The following NRXN2 variants were observed in gnomAD, a reference collection of about 807,000 sequenced individuals.
NRXN2 encodes the protein neurexin 2.
A neutral mutation model predicts 128.8 loss-of-function variants in NRXN2; 29 were observed. The ratio of observed to expected loss-of-function variants is 0.23; its 90% CI spans 0.17 to 0.31. The LOEUF is 0.31. Ranked by LOEUF, NRXN2 falls within the 10% of genes least tolerant of loss-of-function variation. The pLI, the probability that NRXN2 is intolerant of heterozygous loss-of-function variation, is 1.00. For synonymous variants in NRXN2, 1,098 were observed against 1,075.2 expected (o/e 1.02, Z -0.41); for missense variants, 1,881 against 2,452.6 (o/e 0.77, Z 4.92).
chr11:64,686,044 G>A, intron 5 of NRXN2, 97 bp from the exon 6 acceptor site: 1 of 1,381,002 alleles, frequency 7.2e-7, no homozygotes, highest in Non-Finnish European at 1.0e-6. Context: ...ACTGGTCCTG[G>A]GCACCAGGAG....
At chr11:64,676,670 A>G (rs1226204739) in intron 7 of NRXN2, 1 of 467,596 alleles carries the variant, frequency 2.1e-6, no homozygotes, top group East Asian at 3.7e-5. Context: ...TGGTCTAACC[A>G]GAGCCGATGA....
chr11:64,672,456 G>A (rs938486549), intron 7 of NRXN2, among the ~76,000 whole-genome samples: 2 of 152,180 alleles, frequency 1.3e-5, no homozygotes, highest in African/African-American at 4.8e-5. Flanking sequence ...CTCCTTGGGA[G>A]GGGGACTTAA....
In NRXN2 at chr11:64,690,407, T is replaced by C; in HGVS notation, c.848A>G (p.Lys283Arg). Residue 283 changes from lysine (K) to arginine (R), a missense_variant and splice_region_variant, in exon 5 of 23, where the codon AAA becomes AGA. Coordinates refer to ENST00000265459, the MANE Select transcript of NRXN2 (RefSeq NM_015080.4). ...GGAGDVHQPT[K>R]GKEEFVATFK... Reference sequence around the variant, plus strand: ...TGGGGACCATGGGGGTCACTGACCTTTTGTTGGCTGGTGCACATCGCCGGC... The same window carrying C: ...TGGGGACCATGGGGGTCACTGACCTCTTGTTGGCTGGTGCACATCGCCGGC... The C allele has an allele frequency of 6.2e-7, 1 of 1,612,594 alleles. No individual in the cohort carries two copies. Among genetic ancestry groups the C allele is most frequent in the South Asian group, 1.1e-5 (1 of 90,560 alleles).
At chr11:64,618,184 C>T (rs540439709) in intron 22 of NRXN2, among the ~76,000 whole-genome samples, 3 of 152,352 alleles carry the variant, frequency 2.0e-5, no homozygotes, top group Non-Finnish European at 2.9e-5. Flanking sequence ...ACCACCAATG[C>T]ACCCATTCAG....
intron 7 of NRXN2, chr11:64,676,647 C>A: frequency 2.9e-6 from 1 of 348,800 alleles, no homozygotes; most frequent in Non-Finnish European, 5.2e-6. Flanking sequence ...AATAAGCAGC[C>A]TGGCATCGGG....
At position 64,607,279 on chromosome 11, in the gene NRXN2, C is replaced by A. The variant is rs762807377; in HGVS notation, c.5056G>T (p.Ala1686Ser). The change falls in exon 23 of 23, where the codon GCG (alanine) becomes TCG (serine). Residue 1686 changes from alanine (A) to serine (S), a missense_variant. Around this residue, in one of 7 missense-constraint regions of NRXN2, gnomAD observed 63 missense variants for 76.0 expected, o/e 0.83. Coordinates refer to ENST00000265459, the MANE Select transcript of NRXN2 (RefSeq NM_015080.4). ...GCCGGGGCCTTCTCTTTCACCACCG[C>A]CCCATTGCTCTGGGCCGAGTTACTG... ...YISNSAQSNG[A>S]VVKEKAPAAP... is the part of the protein sequence containing the mutation. 14 of 1,614,038 alleles carry A rather than the reference C, an allele frequency of 8.7e-6. No individual in the cohort carries two copies. The Admixed American group carries it at 2.2e-4, about 25-fold the overall frequency.
At chr11:64,644,806 G>A (rs538898036) in intron 17 of NRXN2, among the ~76,000 whole-genome samples, 2 of 152,176 alleles carry the variant, frequency 1.3e-5, no homozygotes, top group East Asian at 1.9e-4. Context: ...GGGAGGGCTG[G>A]GAGAGAGGAG....
chr11:64,679,814 GT>G (rs1270106241), intron 6 of NRXN2, among the ~76,000 whole-genome samples: 2 of 152,170 alleles, frequency 1.3e-5, no homozygotes, highest in African/African-American at 4.8e-5. Flanking sequence ...TGGAGATCAT[GT>G]TTATGGGGGC....
rs140864501 is a variant in NRXN2 at position 64,626,493 on chromosome 11, G to C, written c.3817C>G (p.Arg1273Gly). The change falls in exon 20 of 23, where the codon CGA (arginine) becomes GGA (glycine). Residue 1273 changes from arginine (R) to glycine (G), a missense_variant. Arg to Gly is a moderately radical substitution (Grantham distance 125). Coordinates refer to ENST00000265459, the MANE Select transcript of NRXN2 (RefSeq NM_015080.4). ...TCGAGCAGCCACTCATCTACTACTC[G>C]ACCAAGCCGGTAGGGGATTCTCTGT... ...ARQRIPYRLG[R>G]VVDEWLLDKG... is the part of the protein sequence containing the mutation. 6.2e-7 allele frequency: 1 copy of C among 1,613,876 alleles called. No individual in the cohort carries two copies. The highest frequency in any genetic ancestry group is 8.5e-7 in the Non-Finnish European group (1 of 1,179,850).
At chr11:64,661,180 C>A (rs1038441001) in intron 9 of NRXN2, 41 bp from the exon 10 acceptor site, 7 of 1,612,142 alleles carry the variant, frequency 4.3e-6, no homozygotes, top group Middle Eastern at 1.7e-4. Flanking sequence ...AAGCCACAGG[C>A]CAGAAAGGGA....
At chr11:64,647,248 T>C (rs561167122) in intron 17 of NRXN2, among the ~76,000 whole-genome samples, 13 of 151,878 alleles carry the variant, frequency 8.6e-5, no homozygotes, top group Non-Finnish European at 1.8e-4. Flanking sequence ...CATGTGTGTG[T>C]GCGTGCCTGT....
chr11:64,623,377 T>G lies in NRXN2; in HGVS notation c.3848-299A>C. On this transcript the variant is annotated intron_variant, in intron 20 of 22. Coordinates refer to ENST00000265459, the MANE Select transcript of NRXN2 (RefSeq NM_015080.4). The surrounding 1 kb of genome is among the most constrained non-coding windows in gnomAD (Gnocchi z 4.9). The stretch of plus-strand genomic sequence containing the variant: ...CCCACCATGTGCAAGCCTTCCCACC[T>G]TCCCCATTCCCTCTCCTCTCCAGCT... 1 of 477,538 alleles carries G rather than the reference T, an allele frequency of 2.1e-6. No homozygotes were observed. The highest frequency in any genetic ancestry group is 3.8e-6 in the Non-Finnish European group (1 of 262,062). The allele number at this position is 477,538 out of a possible 1,614,324, so 29.6% of individuals were successfully genotyped here. A position where few individuals can be genotyped will look rare whatever the true frequency, so the allele number is the denominator to read the frequency against.
chr11:64,625,652 C>T (rs1024058708), intron 20 of NRXN2, among the ~76,000 whole-genome samples: 1 of 152,096 alleles, frequency 6.6e-6, no homozygotes, highest in African/African-American at 2.4e-5. Context: ...GAGCTCGCCC[C>T]GCCTCCCCAA....
At position 64,607,277 on chromosome 11, in the gene NRXN2, C is replaced by A. The variant is rs775416543; in HGVS notation, c.5058G>T (p.Ala1686=). The A allele has an allele frequency of 6.2e-7, 1 of 1,613,952 alleles. No homozygotes were observed. The highest frequency in any genetic ancestry group is 8.5e-7 in the Non-Finnish European group (1 of 1,179,940). Residue 1686 remains alanine (A), a synonymous_variant, in exon 23 of 23, where the codon GCG becomes GCT. Coordinates refer to ENST00000265459, the MANE Select transcript of NRXN2 (RefSeq NM_015080.4). The stretch of plus-strand genomic sequence containing the variant: ...CAGCCGGGGCCTTCTCTTTCACCAC[C>A]GCCCCATTGCTCTGGGCCGAGTTAC... ...YISNSAQSNG[A]VVKEKAPAAP...
Position 64,653,704 on chromosome 11 carries a change from C to T in NRXN2, c.2408G>A (p.Cys803Tyr). 6.3e-7 allele frequency: 1 copy of T among 1,596,540 alleles called. No homozygotes were observed. The highest frequency in any genetic ancestry group is 1.8e-5 in the Admixed American group (1 of 56,690). ...TVNLDCLRVG[C>Y]APSKGPETLF... ...AGAGGGAAGCCACTTACTGGGTGCG[C>T]AGCCGACGCGCAGGCAGTCTGGGGG... Residue 803 changes from cysteine to tyrosine, a missense_variant, in exon 12 of 23, where the codon TGC (cysteine) becomes TAC (tyrosine). Cys to Tyr is a radical substitution (Grantham distance 194, BLOSUM62 -2). This residue lies in a region of NRXN2 where 997 missense variants were observed against 1,240.8 expected (regional missense o/e 0.80). Transcript: ENST00000265459.
intron 4 of NRXN2, among the ~76,000 whole-genome samples, chr11:64,692,451 T>C (rs982353487): frequency 6.6e-6 from 1 of 151,400 alleles, no homozygotes; most frequent in African/African-American, 2.4e-5. Context: ...GAAAGAATGA[T>C]CAGAATGAGT....
Position 64,659,011 on chromosome 11 carries a change from G to A in NRXN2, c.2389+1321C>T, listed in dbSNP as rs541716147. On this transcript the variant is annotated intron_variant, in intron 11 of 22. Transcript: ENST00000265459. ...TGCACTCCCACCTGGGTGAAAGAGC[G>A]AGACTCCATCTCAAAAAACAAAAAA... is the stretch of plus-strand genomic sequence containing the variant. Among the ~76,000 whole-genome samples the A allele has an allele frequency of 5.1e-4, 77 of 152,334 alleles. No individual in the cohort carries two copies. In the Middle Eastern group the frequency reaches 0.01, roughly 20 times the overall value.
rs144495843 is a variant in NRXN2 at position 64,616,809 on chromosome 11, G to A, written c.4252+3485C>T. On this transcript the variant is annotated intron_variant, in intron 22 of 22. Coordinates refer to ENST00000265459, the MANE Select transcript of NRXN2 (RefSeq NM_015080.4). Reference sequence around the variant, plus strand: ...CACACATAGCTCAGAACACAGCCAAGTGCCTTGGTGTGAGACACACAATAT... The same window carrying A: ...CACACATAGCTCAGAACACAGCCAAATGCCTTGGTGTGAGACACACAATAT... Among the ~76,000 whole-genome samples, 232 of 151,918 alleles carry A rather than the reference G, an allele frequency of 1.5e-3. 1 individual carries two copies. The highest frequency in any genetic ancestry group is 5.5e-3 in the African/African-American group (227 of 41,556).
chr11:64,691,931 G>A (rs531944506), intron 4 of NRXN2, among the ~76,000 whole-genome samples: 3 of 152,196 alleles, frequency 2.0e-5, no homozygotes, highest in Non-Finnish European at 4.4e-5. Context: ...GGGCTGAATT[G>A]GGCAGGTCCA....
Sources: allele counts gnomAD v4.1 joint callset (sites outside exome capture counted in the v4.1 genomes callset), GRCh38; gene constraint gnomAD v4.1.1; regional missense constraint gnomAD v4.1.1; non-coding constraint Gnocchi (gnomAD v3.1); transcripts MANE v1.5; gene names NCBI Gene and HGNC (gene_info 2026-07-23, HGNC 2026-07-21).